Variants in CYP2J2 observed in about 807,000 individuals in gnomAD.
The protein encoded by CYP2J2 is cytochrome P450 2J2.
A neutral mutation model predicts 48.8 loss-of-function variants in CYP2J2; 41 were observed. The ratio of observed to expected loss-of-function variants is 0.84; its 90% CI spans 0.66 to 1.09. CYP2J2 has a LOEUF of 1.09. Among genes scored for constraint, CYP2J2 ranks in the 50% least tolerant of loss-of-function variants. CYP2J2 has a pLI of 0.00. For synonymous variants in CYP2J2, 221 were observed against 227.1 expected (o/e 0.97, Z 0.24); for missense variants, 644 against 617.3 (o/e 1.04, Z -0.46).
the CYP2J2 span, among the ~76,000 whole-genome samples, chr1:59,934,876 A>T: frequency 5.3e-5 from 8 of 150,748 alleles, no homozygotes; most frequent in Non-Finnish European, 7.4e-5. Context: ...AAATGAAATC[A>T]CTGTGTTGAA....
intron 7 of CYP2J2, among the ~76,000 whole-genome samples, chr1:59,902,484 C>T (rs561300385): frequency 1.7e-4 from 26 of 151,788 alleles, no homozygotes; most frequent in South Asian, 4.2e-4. Context: ...TGCAGTGTGT[C>T]GGCTCACTGC....
intron 8 of CYP2J2, among the ~76,000 whole-genome samples, chr1:59,899,744 G>T (rs1357168228): frequency 6.6e-6 from 1 of 152,138 alleles, no homozygotes; most frequent in Non-Finnish European, 1.5e-5. Flanking sequence ...CACTAAAGTG[G>T]TTATAGTAAT....
At chr1:59,962,127 C>G in the CYP2J2 span, among the ~76,000 whole-genome samples, 2 of 151,840 alleles carry the variant, frequency 1.3e-5, no homozygotes, top group African/African-American at 4.8e-5. Context: ...ATGTAGATAT[C>G]TCAATAAAGC....
the CYP2J2 span, among the ~76,000 whole-genome samples, chr1:59,935,713 T>C: frequency 1.3e-5 from 2 of 152,284 alleles, no homozygotes; most frequent in South Asian, 2.1e-4. Context: ...TCCACGTACA[T>C]GGGTAGAAAG....
chr1:59,912,815 G>C (rs1295523782), intron 2 of CYP2J2: 1 of 153,382 alleles, frequency 6.5e-6, no homozygotes, highest in East Asian at 1.9e-4. Flanking sequence ...AGAGGCTAAG[G>C]CTAAGAAAGG....
chr1:59,925,650 T>C (rs1470095347), intron 1 of CYP2J2, among the ~76,000 whole-genome samples: 1 of 152,196 alleles, frequency 6.6e-6, no homozygotes, highest in Non-Finnish European at 1.5e-5. Context: ...CAATTGGGTA[T>C]TTCTCCCATA....
At chr1:59,908,672 T>G (rs149641369) in intron 5 of CYP2J2, among the ~76,000 whole-genome samples, 38 of 152,266 alleles carry the variant, frequency 2.5e-4, no homozygotes, top group African/African-American at 8.7e-4. Context: ...GTCATACCAA[T>G]AAGGTGAAAT....
chr1:59,967,991 T>A, the CYP2J2 span, among the ~76,000 whole-genome samples: 10 of 152,128 alleles, frequency 6.6e-5, no homozygotes, highest in Non-Finnish European at 1.0e-4. Flanking sequence ...CTTTGTGATA[T>A]CACAAAGCTT....
At chr1:59,938,354 C>T in the CYP2J2 span, among the ~76,000 whole-genome samples, 1 of 152,228 alleles carries the variant, frequency 6.6e-6, no homozygotes. Context: ...TTTTCAGTAT[C>T]TCAGCAAGAG....
upstream of CYP2J2, among the ~76,000 whole-genome samples, chr1:59,928,082 C>T (rs145355595): frequency 1.9e-3 from 289 of 152,250 alleles, 3 homozygotes; most frequent in East Asian, 0.013. Context: ...ATATATGTGG[C>T]TCTAATTCAC....
the CYP2J2 span, among the ~76,000 whole-genome samples, chr1:59,945,190 A>T: frequency 6.6e-6 from 1 of 152,142 alleles, no homozygotes; most frequent in African/African-American, 2.4e-5. Context: ...CAATAATATT[A>T]TGTCGCCAGA....
chr1:59,908,264 G>A (rs1008611039), intron 5 of CYP2J2, among the ~76,000 whole-genome samples: 1 of 152,158 alleles, frequency 6.6e-6, no homozygotes, highest in Admixed American at 6.5e-5. Flanking sequence ...ATTAGCAGCT[G>A]TGTGACCTAG....
At chr1:59,904,751 T>G in intron 7 of CYP2J2, 120 bp downstream of exon 7, 1 of 799,288 alleles carries the variant, frequency 1.3e-6, no homozygotes, top group East Asian at 2.8e-5. Context: ...TAGTATTATA[T>G]CAGGTATAAG....
At chr1:59,935,023 T>TATATACACAC in the CYP2J2 span, among the ~76,000 whole-genome samples, 8 of 75,322 alleles carry the variant, frequency 1.1e-4, no homozygotes, top group Non-Finnish European at 2.0e-4. Context: ...TACATATATA[T>TATATACACAC]ATATATATAT....
At chr1:59,945,891 G>C in the CYP2J2 span, among the ~76,000 whole-genome samples, 7 of 152,146 alleles carry the variant, frequency 4.6e-5, no homozygotes, top group Admixed American at 1.3e-4. Context: ...TCTACCTTGT[G>C]TATCTATCCA....
intron 1 of CYP2J2, among the ~76,000 whole-genome samples, chr1:59,923,856 A>C (rs558355054): frequency 6.6e-6 from 1 of 152,320 alleles, no homozygotes; most frequent in Admixed American, 6.5e-5. Context: ...AGAGTCCAAG[A>C]AAGAGAGGAA....
intron 1 of CYP2J2, among the ~76,000 whole-genome samples, chr1:59,925,761 T>G (rs1036432417): frequency 2.0e-5 from 3 of 152,234 alleles, no homozygotes; most frequent in African/African-American, 7.2e-5. Flanking sequence ...CTATTTGTTA[T>G]GTACCAACTA....
At chr1:59,940,495 A>C in the CYP2J2 span, among the ~76,000 whole-genome samples, 4 of 152,204 alleles carry the variant, frequency 2.6e-5, no homozygotes, top group African/African-American at 7.2e-5. Flanking sequence ...AATGGCGAAA[A>C]CTGCAATTAC....
chr1:59,902,291 A>T (rs778540798), intron 7 of CYP2J2, among the ~76,000 whole-genome samples: 1 of 152,140 alleles, frequency 6.6e-6, no homozygotes, highest in Non-Finnish European at 1.5e-5. Context: ...TACTTGCATG[A>T]TTACTTTTCT....
Sources: gnomAD v4.1 joint callset for allele counts (sites outside exome capture counted in the v4.1 genomes callset) on GRCh38, gnomAD v4.1.1 for gene constraint, MANE v1.5 for transcripts, NCBI Gene and HGNC (gene_info 2026-07-23, HGNC 2026-07-21) for gene names.